The following FBXO21 variants were observed in gnomAD, a reference collection of about 807,000 sequenced individuals.
The protein encoded by FBXO21 is F-box only protein 21.
Under a neutral mutation model 76.6 loss-of-function variants are expected in FBXO21, and 32 were observed. The observed-to-expected ratio is 0.42, with a 90% CI of 0.32 to 0.56. The LOEUF (loss-of-function observed/expected upper bound fraction) is 0.56. FBXO21 is among the 20% of genes least tolerant of loss of function. FBXO21 has a pLI of 0.16. For synonymous variants in FBXO21, 328 were observed against 311.5 expected (o/e 1.05, Z -0.56); for missense variants, 586 against 797.3 (o/e 0.73, Z 3.19).
intron 3 of FBXO21, among the ~76,000 whole-genome samples, chr12:117,178,792 C>A (rs943257996): frequency 2.6e-5 from 4 of 152,146 alleles, no homozygotes; most frequent in Admixed American, 6.6e-5. Context: ...CCCCTCACCA[C>A]TCCCCTGCCT....
intron 11 of FBXO21, among the ~76,000 whole-genome samples, chr12:117,148,173 A>AC (rs34791752): frequency 0.59 from 90,190 of 151,954 alleles, 28,153 homozygotes; most frequent in African/African-American, 0.8. Context: ...TTCTTTTTAA[A>AC]CATAAAACAG....
At chr12:117,177,354 C>T (rs947659247) in intron 4 of FBXO21, among the ~76,000 whole-genome samples, 166 bp downstream of exon 4, 6 of 152,146 alleles carry the variant, frequency 3.9e-5, no homozygotes, top group Non-Finnish European at 5.9e-5. Flanking sequence ...ATAGTTTGAA[C>T]TACCTCATTG....
Position 117,169,444 on chromosome 12 carries a change from G to C in FBXO21, c.1014-2367C>G, listed in dbSNP as rs1033535825. On this transcript the variant is annotated intron_variant, in intron 7 of 11. Transcript: ENST00000622495. Reference sequence around the variant, plus strand: ...TTACCTATGTAACAAACTTGCACATGTACACCTGAACTTAAAAGTTAAAAA... The same window carrying C: ...TTACCTATGTAACAAACTTGCACATCTACACCTGAACTTAAAAGTTAAAAA... Among the ~76,000 whole-genome samples the C allele has an allele frequency of 3.6e-4, 55 of 151,814 alleles. No individual in the cohort carries two copies. The Middle Eastern group carries it at 0.01, about 28-fold the overall frequency.
rs373986865 is a variant in FBXO21, at chr12:117,189,370, G to A, written c.240-8C>T. 4.3e-6 allele frequency: 7 copies of A among 1,614,098 alleles called. No homozygotes were observed. The African/African-American group carries it at 6.7e-5, about 15-fold the overall frequency. On this transcript the variant is annotated splice_region_variant and splice_polypyrimidine_tract_variant and intron_variant, in intron 1 of 11. Transcript: ENST00000622495. ...TTCATAAGGGAAGGCCACCTACGAG[G>A]AGAGAAACACCCCCTCAGCTTAACA... is the stretch of plus-strand genomic sequence containing the variant.
chr12:117,145,252 G>T lies in FBXO21; in HGVS notation c.*835C>A, dbSNP rs921566721. The T allele has an allele frequency of 6.6e-6, 1 of 151,794 alleles. No homozygotes were observed. Among genetic ancestry groups the T allele is most frequent in the East Asian group, 1.9e-4 (1 of 5,182 alleles). 9.4% of individuals were successfully genotyped at this position (151,794 alleles called of 1,614,324 possible). ...AAGACCTACTCATGATACTGAAGTAGATTTTTTAAATTAAAAAATAAAAGT... is the reference window on the plus strand; with the variant it reads ...AAGACCTACTCATGATACTGAAGTATATTTTTTAAATTAAAAAATAAAAGT... On this transcript the variant is annotated 3_prime_UTR_variant, in exon 12 of 12. Coordinates refer to ENST00000622495, the MANE Select transcript of FBXO21 (RefSeq NM_015002.3).
intron 9 of FBXO21, 120 bp from the exon 10 acceptor site, chr12:117,158,183 C>T: frequency 8.7e-7 from 1 of 1,153,668 alleles, no homozygotes; most frequent in Non-Finnish European, 1.3e-6. Context: ...AAAGGGGTGG[C>T]TATGCCCTGA....
At chr12:117,174,070 G>C in intron 6 of FBXO21, 135 bp downstream of exon 6, 1 of 697,216 alleles carries the variant, frequency 1.4e-6, no homozygotes, top group Non-Finnish European at 2.5e-6. Context: ...CCAGGAGTTT[G>C]AGGTTGCGGT....
chr12:117,174,639 G>A lies in FBXO21; in HGVS notation c.739+12C>T. ...TTTCATAAATACAGCTGGATCCAAA[G>A]CAATGCCACACCTGCCTTGAAGGCC... On this transcript the variant is annotated intron_variant, in intron 5 of 11. Coordinates refer to ENST00000622495, the MANE Select transcript of FBXO21 (RefSeq NM_015002.3). 6.2e-7 allele frequency: 1 copy of A among 1,613,210 alleles called. No individual in the cohort carries two copies. Among genetic ancestry groups the A allele is most frequent in the Non-Finnish European group, 8.5e-7 (1 of 1,179,666 alleles).
chr12:117,150,200 A>G (rs1159667687), intron 11 of FBXO21, among the ~76,000 whole-genome samples: 1 of 152,230 alleles, frequency 6.6e-6, no homozygotes, highest in Admixed American at 6.5e-5. Flanking sequence ...GTAACACAAA[A>G]CTTAATTGAG....
chr12:117,185,517 G>C (rs1054404073), intron 3 of FBXO21, among the ~76,000 whole-genome samples: 11 of 152,206 alleles, frequency 7.2e-5, no homozygotes, highest in Admixed American at 6.5e-4. Context: ...TAGGCTGGAA[G>C]CCCACTCATC....
chr12:117,148,930 T>C lies in FBXO21; in HGVS notation c.1676-2653A>G, dbSNP rs569153332. Among the ~76,000 whole-genome samples, 13 of 152,322 alleles carry C rather than the reference T, an allele frequency of 8.5e-5. No homozygotes were observed. In the South Asian group the frequency reaches 1.7e-3, roughly 19 times the overall value. On this transcript the variant is annotated intron_variant, in intron 11 of 11. Coordinates refer to ENST00000622495, the MANE Select transcript of FBXO21 (RefSeq NM_015002.3). ...TCTACTGTTGTCAGGTCTCTAGAGATGATTTTCTCTTGGGAAAAATCAATA... is the reference window on the plus strand; with the variant it reads ...TCTACTGTTGTCAGGTCTCTAGAGACGATTTTCTCTTGGGAAAAATCAATA...
chr12:117,175,222 AC>A (rs1465114969), intron 4 of FBXO21, among the ~76,000 whole-genome samples: 1 of 152,182 alleles, frequency 6.6e-6, no homozygotes, highest in Non-Finnish European at 1.5e-5. Flanking sequence ...ACAAAAAAAA[AC>A]AACTTGAAAG....
At chr12:117,174,839 C>T (rs1395172111) in intron 4 of FBXO21, 42 bp from the exon 5 acceptor site, 2 of 1,596,952 alleles carry the variant, frequency 1.3e-6, no homozygotes, top group Admixed American at 1.7e-5. Context: ...CTCACGTTAC[C>T]CTTTTCTTAT....
intron 11 of FBXO21, among the ~76,000 whole-genome samples, chr12:117,151,877 G>A (rs1955846456): frequency 6.6e-6 from 1 of 151,820 alleles, no homozygotes; most frequent in Non-Finnish European, 1.5e-5. Flanking sequence ...TTCAAAAAGT[G>A]CTAAAACCAT....
chr12:117,166,762 C>T (rs2135865035), intron 8 of FBXO21, 136 bp downstream of exon 8: 1 of 650,686 alleles, frequency 1.5e-6, no homozygotes, highest in East Asian at 2.5e-5. Flanking sequence ...AGAATGTTTC[C>T]AGTACTCGCA....
intron 11 of FBXO21, among the ~76,000 whole-genome samples, chr12:117,150,396 G>C (rs1955823953): frequency 1.3e-5 from 2 of 152,152 alleles, no homozygotes; most frequent in Admixed American, 1.3e-4. Context: ...GTCCTGATCC[G>C]GTCTTCCTCT....
Position 117,190,222 on chromosome 12 carries a change from C to T in FBXO21, c.235G>A (p.Val79Met). The T allele has an allele frequency of 6.7e-7, 1 of 1,499,150 alleles. No individual in the cohort carries two copies. The highest frequency in any genetic ancestry group is 8.8e-7 in the Non-Finnish European group (1 of 1,130,566). 92.9% of individuals were successfully genotyped at this position (1,499,150 alleles called of 1,614,324 possible). A position where few individuals can be genotyped will look rare whatever the true frequency, so the allele number is the denominator to read the frequency against. ...SGKVWKEQFR[V>M]RWPSLMKHYS... is the part of the protein sequence containing the mutation. ...GGCGCGGGGCCGCTGGCTCACCTCACCCGGAACTGCTCCTTCCACACCTTC... is the reference window on the plus strand; with the variant it reads ...GGCGCGGGGCCGCTGGCTCACCTCATCCGGAACTGCTCCTTCCACACCTTC... The change falls in exon 1 of 12, where the codon GTG (valine) becomes ATG (methionine). Residue 79 changes from valine (V) to methionine (M), a missense_variant. Physicochemically the swap from Val to Met is conservative, Grantham distance 21. This residue lies in a region of FBXO21 where 152 missense variants were observed against 127.2 expected (regional missense o/e 1.19). Coordinates refer to ENST00000622495, the MANE Select transcript of FBXO21 (RefSeq NM_015002.3).
In FBXO21 at chr12:117,144,459, T is replaced by C. The variant is rs1955746546; in HGVS notation, c.*1628A>G. The C allele has an allele frequency of 6.6e-6, 1 of 152,192 alleles. No individual in the cohort carries two copies. Among genetic ancestry groups the C allele is most frequent in the Non-Finnish European group, 1.5e-5 (1 of 68,054 alleles). 9.4% of individuals were successfully genotyped at this position (152,192 alleles called of 1,614,324 possible). A position where few individuals can be genotyped will look rare whatever the true frequency, so the allele number is the denominator to read the frequency against. On this transcript the variant is annotated 3_prime_UTR_variant, in exon 12 of 12. Coordinates refer to ENST00000622495, the MANE Select transcript of FBXO21 (RefSeq NM_015002.3). ...GGGCCAAATCCCCATCTCTTTCTAG[T>C]AACTGCTTAAAGCCTTCCCTTGCTA...
rs60423812 is a variant in FBXO21 at position 117,155,858 on chromosome 12, C to G, written c.1608G>C (p.Pro536=). Residue 536 remains proline (P), a synonymous_variant, in exon 11 of 12, where the codon CCG becomes CCC. Transcript: ENST00000622495. ...TATAGAAAGGCTGGTGGTGGCCGTGCGGCAGGCTGTGGACGTTCATGTTCC... is the reference window on the plus strand; with the variant it reads ...TATAGAAAGGCTGGTGGTGGCCGTGGGGCAGGCTGTGGACGTTCATGTTCC... The part of the protein sequence containing the change: ...WIRNMNVHSL[P]HGHHQPFYNV... 1 of 1,614,028 alleles carries G rather than the reference C, an allele frequency of 6.2e-7. No individual in the cohort carries two copies. Among genetic ancestry groups the G allele is most frequent in the Non-Finnish European group, 8.5e-7 (1 of 1,180,010 alleles).
Sources: allele counts gnomAD v4.1 joint callset (sites outside exome capture counted in the v4.1 genomes callset), GRCh38; gene constraint gnomAD v4.1.1; regional missense constraint gnomAD v4.1.1; transcripts MANE v1.5; gene names NCBI Gene and HGNC (gene_info 2026-07-23, HGNC 2026-07-21).